PRELID2: variants seen among roughly 807,000 people sequenced by gnomAD.
PRELID2 encodes PRELI domain-containing protein 2.
A neutral mutation model predicts 28.4 loss-of-function variants in PRELID2; 25 were observed. The observed-to-expected ratio is 0.88, with a 90% CI of 0.64 to 1.23. PRELID2 has a LOEUF of 1.23. Ranked by LOEUF, PRELID2 falls within the 50% of genes most tolerant of loss-of-function variation. The pLI, the probability that PRELID2 is intolerant of heterozygous loss-of-function variation, is 0.00. For synonymous variants in PRELID2, 76 were observed against 71.6 expected, an observed-to-expected ratio of 1.06 and a Z score of -0.31; for missense variants, 201 against 214.4, an observed-to-expected ratio of 0.94 and a Z score of 0.39.
intron 5 of PRELID2, among the ~76,000 whole-genome samples, chr5:145,776,978 T>C (rs1322997234): frequency 2.0e-5 from 3 of 152,192 alleles, no homozygotes; most frequent in African/African-American, 7.2e-5. Flanking sequence ...TCACAAATCC[T>C]TCACTTGGTG....
chr5:145,514,110 GCAT>G (rs1752490196), intron 1 of PRELID2, among the ~76,000 whole-genome samples: 1 of 152,028 alleles, frequency 6.6e-6, no homozygotes, highest in Non-Finnish European at 1.5e-5. Flanking sequence ...TTACCAGCTA[GCAT>G]CATAATGACA....
At chr5:145,637,429 G>A (rs1754018302) in intron 1 of PRELID2, among the ~76,000 whole-genome samples, 1 of 151,830 alleles carries the variant, frequency 6.6e-6, no homozygotes, top group Non-Finnish European at 1.5e-5. Context: ...TTTCTACACT[G>A]TGCTATGTCC....
chr5:145,431,017 T>TTG, the PRELID2 span, among the ~76,000 whole-genome samples: 471 of 145,734 alleles, frequency 3.2e-3, no homozygotes, highest in African/African-American at 0.011. Flanking sequence ...TTTTTTTTTT[T>TTG]TTTTTTTTTT....
the PRELID2 span, among the ~76,000 whole-genome samples, chr5:145,313,922 T>C: frequency 6.6e-6 from 1 of 152,210 alleles, no homozygotes; most frequent in South Asian, 2.1e-4. Context: ...AAAGAATCTA[T>C]GAACATCAAA....
At chr5:145,797,338 A>G (rs943545871) in intron 4 of PRELID2, among the ~76,000 whole-genome samples, 10 of 152,138 alleles carry the variant, frequency 6.6e-5, no homozygotes, top group African/African-American at 1.9e-4. Context: ...ATCAAAGCAG[A>G]TAAGAAACTT....
chr5:145,278,166 G>A, the PRELID2 span, among the ~76,000 whole-genome samples: 1 of 152,084 alleles, frequency 6.6e-6, no homozygotes, highest in Admixed American at 6.6e-5. Flanking sequence ...GTTCCCTCTT[G>A]AGTTCTCCTT....
the PRELID2 span, among the ~76,000 whole-genome samples, chr5:145,307,536 T>C: frequency 6.6e-6 from 1 of 152,190 alleles, no homozygotes; most frequent in Non-Finnish European, 1.5e-5. Flanking sequence ...TAGAGTATAA[T>C]AGCTGCCTCT....
At chr5:145,516,107 T>C (rs1333584018) in intron 1 of PRELID2, among the ~76,000 whole-genome samples, 2 of 152,108 alleles carry the variant, frequency 1.3e-5, no homozygotes, top group Admixed American at 1.3e-4. Flanking sequence ...CTCTCACCAC[T>C]CCTATTCAAC....
At chr5:145,563,076 C>T (rs1439782068) in intron 1 of PRELID2, among the ~76,000 whole-genome samples, 2 of 152,194 alleles carry the variant, frequency 1.3e-5, no homozygotes, top group Admixed American at 1.3e-4. Context: ...GTGGCTCATG[C>T]TGACTCCAGG....
At chr5:145,742,066 A>G (rs1345433446) in intron 1 of PRELID2, among the ~76,000 whole-genome samples, 2 of 42,264 alleles carry the variant, frequency 4.7e-5, no homozygotes, top group Non-Finnish European at 1.1e-4. Context: ...TAATTTATTT[A>G]TAATTATACG....
At chr5:145,418,783 G>C in the PRELID2 span, among the ~76,000 whole-genome samples, 2 of 151,200 alleles carry the variant, frequency 1.3e-5, no homozygotes, top group African/African-American at 2.4e-5. Flanking sequence ...CATTGTGCAG[G>C]TTAGTTACAT....
chr5:145,697,966 G>A (rs1365268967), intron 1 of PRELID2, among the ~76,000 whole-genome samples: 1 of 151,436 alleles, frequency 6.6e-6, no homozygotes, highest in East Asian at 1.9e-4. Flanking sequence ...TATGAGAACT[G>A]TGATTGTCCT....
chr5:145,541,151 T>C (rs545212554), intron 1 of PRELID2, among the ~76,000 whole-genome samples: 1 of 152,154 alleles, frequency 6.6e-6, no homozygotes, highest in African/African-American at 2.4e-5. Context: ...AAGTTTTTTA[T>C]GCAAAATACA....
At chr5:145,418,007 C>T in the PRELID2 span, among the ~76,000 whole-genome samples, 2 of 152,030 alleles carry the variant, frequency 1.3e-5, no homozygotes, top group East Asian at 3.9e-4. Context: ...TCATCTCAGC[C>T]CAAAATTTTC....
the PRELID2 span, among the ~76,000 whole-genome samples, chr5:145,366,529 G>T: frequency 1.3e-5 from 2 of 151,912 alleles, no homozygotes; most frequent in African/African-American, 2.4e-5. Context: ...TAGAGGATTA[G>T]ACAGCTCCTG....
intron 6 of PRELID2, among the ~76,000 whole-genome samples, chr5:145,761,165 T>C (rs1434897287): frequency 6.6e-6 from 1 of 152,222 alleles, no homozygotes; most frequent in Admixed American, 6.5e-5. Flanking sequence ...TGTCTCCTTA[T>C]GCAGATTTCT....
chr5:145,741,369 T>A (rs1325297880), intron 1 of PRELID2, among the ~76,000 whole-genome samples: 5 of 115,524 alleles, frequency 4.3e-5, no homozygotes, highest in Non-Finnish European at 8.1e-5. Context: ...TTTATTTATA[T>A]ATAAATTTTA....
In PRELID2 at chr5:145,700,113, C is replaced by A. The variant is rs76478550; in HGVS notation, n.70+64818G>T. On this transcript the variant is annotated intron_variant and non_coding_transcript_variant, in intron 1 of 2. Coordinates refer to the PRELID2 transcript ENST00000510259. ...AAATGGTTGGAGTGGAGTGATGTAA[C>A]CTCTGCAAGCCTAACAGACATTTAG... Among the ~76,000 whole-genome samples the A allele has an allele frequency of 9.1e-3, 1,380 of 152,170 alleles. 19 individuals carry two copies. Among genetic ancestry groups the A allele is most frequent in the African/African-American group, 0.03 (1,260 of 41,498 alleles).
chr5:145,735,755 T>A (rs866267769), intron 1 of PRELID2, among the ~76,000 whole-genome samples: 3 of 152,168 alleles, frequency 2.0e-5, no homozygotes, highest in Middle Eastern at 3.2e-3. Flanking sequence ...CCTGCTACCA[T>A]CTTCACACGG....
Sources: gnomAD v4.1 joint callset for allele counts (sites outside exome capture counted in the v4.1 genomes callset) on GRCh38, gnomAD v4.1.1 for gene constraint, MANE v1.5 for transcripts, NCBI Gene and HGNC (gene_info 2026-07-23, HGNC 2026-07-21) for gene names.